TLK2: variants seen among roughly 807,000 people sequenced by gnomAD.
TLK2 encodes the protein tousled like kinase 2.
Under a neutral mutation model 117.3 loss-of-function variants are expected in TLK2, and 6 were observed. The ratio of observed to expected loss-of-function variants is 0.05; its 90% CI spans 0.03 to 0.10. The LOEUF is 0.10. Ranked by LOEUF, TLK2 falls within the 10% of genes least tolerant of loss-of-function variation. The pLI is 1.00. For missense variants in TLK2, 299 were observed against 901.2 expected, an observed-to-expected ratio of 0.33 and a Z score of 8.56; for synonymous variants, 257 against 316.7, an observed-to-expected ratio of 0.81 and a Z score of 2.00.
rs1402373323 is a variant in TLK2 at position 62,613,794 on chromosome 17, A to T, written c.*1229A>T. On this transcript the variant is annotated 3_prime_UTR_variant, in exon 22 of 22. Transcript: ENST00000346027. Reference sequence around the variant, plus strand: ...CACTTTGTCTAGCTCACTTTAAAAGATTCATCAAATGGAATTTTAAAAATA... The same window carrying T: ...CACTTTGTCTAGCTCACTTTAAAAGTTTCATCAAATGGAATTTTAAAAATA... 1 of 152,180 alleles carries T rather than the reference A, an allele frequency of 6.6e-6. No homozygotes were observed. The highest frequency in any genetic ancestry group is 6.5e-5 in the Admixed American group (1 of 15,282). 9.4% of individuals were successfully genotyped at this position (152,180 alleles called of 1,614,324 possible). A position where few individuals can be genotyped will look rare whatever the true frequency, so the allele number is the denominator to read the frequency against.
At chr17:62,608,555 A>G (rs1399447327) in intron 21 of TLK2, among the ~76,000 whole-genome samples, 2 of 152,218 alleles carry the variant, frequency 1.3e-5, no homozygotes, top group Non-Finnish European at 2.9e-5. Flanking sequence ...AGGCATTTGT[A>G]TTAGTCTGTT....
chr17:62,588,091 A>G (rs1318722549), intron 16 of TLK2, among the ~76,000 whole-genome samples: 1 of 145,054 alleles, frequency 6.9e-6, no homozygotes, highest in African/African-American at 2.6e-5. Context: ...AAATATACGT[A>G]TACATCTGTA....
chr17:62,587,402 GT>G (rs1251319946), intron 16 of TLK2, among the ~76,000 whole-genome samples: 2 of 151,880 alleles, frequency 1.3e-5, no homozygotes, highest in Non-Finnish European at 2.9e-5. Flanking sequence ...GGCAGTCTTG[GT>G]TTTTTTTGGT....
intron 2 of TLK2, among the ~76,000 whole-genome samples, chr17:62,519,836 A>G (rs1567838867): frequency 6.6e-6 from 1 of 152,144 alleles, no homozygotes; most frequent in East Asian, 1.9e-4. Context: ...TGGCTGTTTT[A>G]TGCCCTGGGT....
At chr17:62,581,632 G>C (rs1044664899) in intron 15 of TLK2, among the ~76,000 whole-genome samples, 2 of 151,608 alleles carry the variant, frequency 1.3e-5, no homozygotes, top group Admixed American at 1.3e-4. Flanking sequence ...ATAGTGACAG[G>C]GTTTCATCAT....
At chr17:62,595,693 C>T (rs1241041678) in intron 16 of TLK2, among the ~76,000 whole-genome samples, 1 of 151,834 alleles carries the variant, frequency 6.6e-6, no homozygotes, top group Non-Finnish European at 1.5e-5. Flanking sequence ...ATTCGCCATT[C>T]TAAGAAAACT....
At chr17:62,591,471 G>T (rs1373591904) in intron 16 of TLK2, among the ~76,000 whole-genome samples, 1 of 152,124 alleles carries the variant, frequency 6.6e-6, no homozygotes, top group East Asian at 1.9e-4. Flanking sequence ...GTCCAGTGGT[G>T]CCGAAACCGA....
chr17:62,554,433 G>A (rs972763272), intron 9 of TLK2, among the ~76,000 whole-genome samples: 2 of 151,928 alleles, frequency 1.3e-5, no homozygotes, highest in Admixed American at 6.6e-5. Flanking sequence ...AATATAAAAC[G>A]TTATCCTGGT....
At chr17:62,526,543 G>A (rs1205454872) in intron 6 of TLK2, among the ~76,000 whole-genome samples, 1 of 152,120 alleles carries the variant, frequency 6.6e-6, no homozygotes, top group Non-Finnish European at 1.5e-5. Flanking sequence ...CCTTCACATG[G>A]GGTCTGGTCT....
At position 62,614,290 on chromosome 17, in the gene TLK2, A is replaced by G. The variant is rs1259710323; in HGVS notation, c.*1725A>G. On this transcript the variant is annotated 3_prime_UTR_variant, in exon 22 of 22. Transcript: ENST00000346027. Reference sequence around the variant, plus strand: ...CACCGTGCCCTTGAAACAGCAGAGCACTCCTCAGTAGAGAGGGAGGGAGCC... The same window carrying G: ...CACCGTGCCCTTGAAACAGCAGAGCGCTCCTCAGTAGAGAGGGAGGGAGCC... 1.3e-5 allele frequency: 2 copies of G among 152,138 alleles called. No individual in the cohort carries two copies. The highest frequency in any genetic ancestry group is 2.9e-5 in the Non-Finnish European group (2 of 68,024). The allele number at this position is 152,138 out of a possible 1,614,324, so 9.4% of individuals were successfully genotyped here. A position where few individuals can be genotyped will look rare whatever the true frequency, so the allele number is the denominator to read the frequency against.
At chr17:62,534,336 G>A (rs1567867027) in intron 6 of TLK2, among the ~76,000 whole-genome samples, 1 of 152,186 alleles carries the variant, frequency 6.6e-6, no homozygotes, top group African/African-American at 2.4e-5. Context: ...GAAATTTGAT[G>A]TTTGTAGAAT....
At chr17:62,515,305 C>G (rs1232658542) in intron 2 of TLK2, among the ~76,000 whole-genome samples, 1 of 152,224 alleles carries the variant, frequency 6.6e-6, no homozygotes, top group African/African-American at 2.4e-5. Context: ...GCACAGCTAT[C>G]TCTTTGAGGC....
chr17:62,584,107 G>GTTTTTTT (rs572000997), intron 15 of TLK2, among the ~76,000 whole-genome samples: 33 of 78,520 alleles, frequency 4.2e-4, no homozygotes, highest in Non-Finnish European at 5.7e-4. Context: ...TTCTTTTGTG[G>GTTTTTTT]TTTTTTTTTT....
chr17:62,537,103 C>T (rs2077168983), intron 7 of TLK2, among the ~76,000 whole-genome samples: 1 of 152,146 alleles, frequency 6.6e-6, no homozygotes, highest in African/African-American at 2.4e-5. Flanking sequence ...AACTAAGTCA[C>T]CACTCATCCA....
In TLK2 at chr17:62,562,109, C is replaced by T. The variant is rs2079330785; in HGVS notation, c.831+1983C>T. ...GTGTGGTGGCTCACGCCTGTAATCC[C>T]AGCACTTTGGGAGGCCAATGAGGGT... On this transcript the variant is annotated intron_variant, in intron 10 of 21. Transcript: ENST00000346027. Among the ~76,000 whole-genome samples, 9 of 152,246 alleles carry T rather than the reference C, an allele frequency of 5.9e-5. 1 individual carries two copies. The South Asian group carries it at 1.9e-3, about 32-fold the overall frequency.
chr17:62,554,313 A>G (rs893563500), intron 9 of TLK2, among the ~76,000 whole-genome samples: 11 of 152,200 alleles, frequency 7.2e-5, no homozygotes, highest in African/African-American at 2.7e-4. Flanking sequence ...GGTGGTTCAC[A>G]CCTGTAATCC....
intron 7 of TLK2, among the ~76,000 whole-genome samples, chr17:62,542,149 C>T (rs948123348): frequency 5.3e-5 from 8 of 152,128 alleles, no homozygotes; most frequent in African/African-American, 1.2e-4. Context: ...GCACATGACC[C>T]GCAAGAAATT....
At chr17:62,561,205 C>T (rs2079248854) in intron 10 of TLK2, among the ~76,000 whole-genome samples, 1 of 152,216 alleles carries the variant, frequency 6.6e-6, no homozygotes, top group Non-Finnish European at 1.5e-5. Context: ...ATATGTGCCA[C>T]ATTTTCTTAA....
chr17:62,485,098 A>C (rs1466877038), intron 2 of TLK2, among the ~76,000 whole-genome samples: 1 of 152,218 alleles, frequency 6.6e-6, no homozygotes, highest in Middle Eastern at 3.2e-3. Context: ...CAAAGATCAA[A>C]AAAGATTTCA....
Sources: allele counts gnomAD v4.1 joint callset (sites outside exome capture counted in the v4.1 genomes callset), GRCh38; gene constraint gnomAD v4.1.1; transcripts MANE v1.5; gene names NCBI Gene and HGNC (gene_info 2026-07-23, HGNC 2026-07-21).